The following TENM2 variants were observed in gnomAD, a reference collection of about 807,000 sequenced individuals.
The protein encoded by TENM2 is teneurin-2.
Under a neutral mutation model 245.2 loss-of-function variants are expected in TENM2, and 52 were observed. That is an observed-to-expected ratio of 0.21 (90% confidence interval 0.17 to 0.27). TENM2 has a LOEUF of 0.27. TENM2 is among the 10% of genes least tolerant of loss of function. TENM2 has a pLI of 1.00. For synonymous variants in TENM2, 1,363 were observed against 1,438.9 expected, an observed-to-expected ratio of 0.95 and a Z score of 1.19; for missense variants, 3,046 against 3,666.8, an observed-to-expected ratio of 0.83 and a Z score of 4.37.
chr5:168,225,761 CAAA>C (rs567948197), intron 23 of TENM2, among the ~76,000 whole-genome samples: 5 of 57,122 alleles, frequency 8.8e-5, no homozygotes, highest in Non-Finnish European at 1.2e-4. Flanking sequence ...TCCATCATCT[CAAA>C]AAAAAAAAAA....
chr5:167,198,345 G>A, the TENM2 span, among the ~76,000 whole-genome samples: 1 of 152,074 alleles, frequency 6.6e-6, no homozygotes, highest in Non-Finnish European at 1.5e-5. Context: ...CAATTTCTGT[G>A]CAGTTCACAG....
chr5:167,927,720 C>A (rs2151676856), intron 3 of TENM2, among the ~76,000 whole-genome samples: 1 of 152,220 alleles, frequency 6.6e-6, no homozygotes, highest in African/African-American at 2.4e-5. Flanking sequence ...TTGGACAGAA[C>A]CAGAGTGAGG....
At chr5:167,467,948 A>ATT (rs1766775241) in intron 2 of TENM2, among the ~76,000 whole-genome samples, 1 of 152,042 alleles carries the variant, frequency 6.6e-6, no homozygotes, top group Admixed American at 6.5e-5. Flanking sequence ...ATATATATAT[A>ATT]TTTTTGAGAC....
chr5:167,261,534 C>T, the TENM2 span, among the ~76,000 whole-genome samples: 1 of 152,106 alleles, frequency 6.6e-6, no homozygotes, highest in African/African-American at 2.4e-5. Context: ...TCATTATCAT[C>T]ACCCCTTCCA....
chr5:167,344,485 C>CT (rs1758342961), intron 1 of TENM2, among the ~76,000 whole-genome samples: 1 of 151,442 alleles, frequency 6.6e-6, no homozygotes, highest in African/African-American at 2.4e-5. Flanking sequence ...ACCAAATGTA[C>CT]TAAGGAGAAA....
At chr5:167,725,527 A>T (rs1759938978) in intron 2 of TENM2, among the ~76,000 whole-genome samples, 1 of 152,166 alleles carries the variant, frequency 6.6e-6, no homozygotes. Context: ...AATTCTGTAG[A>T]CTGTACAGGC....
rs1405697690 is a variant in TENM2 at position 168,218,217 on chromosome 5, G to A, written c.4326G>A (p.Glu1442=). 1.2e-6 allele frequency: 2 copies of A among 1,613,686 alleles called. No individual in the cohort carries two copies. Among genetic ancestry groups the A allele is most frequent in the Non-Finnish European group, 1.7e-6 (2 of 1,179,884 alleles). Residue 1442 remains glutamate, a synonymous_variant, in exon 23 of 29, where the codon GAG becomes GAA. Coordinates refer to ENST00000518659, the Ensembl canonical transcript of TENM2. The surrounding 1 kb of genome is among the most constrained non-coding windows in gnomAD (Gnocchi z 5.2). ...ACAATGTCATCCTTCGAATCACCGA[G>A]AACCACCAAGTCAGCATCATTGCGG... is the stretch of plus-strand genomic sequence containing the variant.
the TENM2 span, among the ~76,000 whole-genome samples, chr5:167,245,982 G>T: frequency 1.3e-5 from 2 of 152,134 alleles, no homozygotes; most frequent in Admixed American, 6.5e-5. Context: ...CAGCCTCCAT[G>T]CCATGGCTGG....
At chr5:167,836,168 T>C (rs1420608875) in intron 2 of TENM2, among the ~76,000 whole-genome samples, 1 of 152,228 alleles carries the variant, frequency 6.6e-6, no homozygotes, top group African/African-American at 2.4e-5. Context: ...GATAGTGAAT[T>C]ATGAATGACT....
chr5:167,041,861 C>A, the TENM2 span, among the ~76,000 whole-genome samples: 1 of 152,060 alleles, frequency 6.6e-6, no homozygotes, highest in Non-Finnish European at 1.5e-5. Flanking sequence ...CTTTGTCACC[C>A]AGAAGGTAAT....
chr5:167,638,092 TGTGTGTGTGTG>T (rs1279226731), intron 2 of TENM2, among the ~76,000 whole-genome samples: 3 of 252 alleles, frequency 0.012, no homozygotes, highest in East Asian at 0.5. Flanking sequence ...ACAGGGCAGG[TGTGTGTGTGTG>T]TGTGTGTGTG....
Position 167,431,960 on chromosome 5 carries a change from T to A in TENM2, c.502+56487T>A, listed in dbSNP as rs6898131. On this transcript the variant is annotated intron_variant, in intron 2 of 28. Transcript: ENST00000518659. ...ATATACATATATATGTATATATATA[T>A]GTATATATATATATATATGGAAGTT... is the stretch of plus-strand genomic sequence containing the variant. Among the ~76,000 whole-genome samples the A allele has an allele frequency of 5.8e-5, 3 of 51,662 alleles. 1 individual carries two copies. The highest frequency in any genetic ancestry group is 1.8e-4 in the African/African-American group (3 of 16,590). 33.9% of individuals were successfully genotyped at this position (51,662 alleles called of 152,430 possible).
intron 3 of TENM2, among the ~76,000 whole-genome samples, chr5:167,947,634 C>T (rs1779738847): frequency 6.6e-6 from 1 of 152,208 alleles, no homozygotes; most frequent in South Asian, 2.1e-4. Flanking sequence ...TGCCAGTTAT[C>T]ATCAACCAGA....
At chr5:167,630,693 A>G (rs1394712260) in intron 2 of TENM2, among the ~76,000 whole-genome samples, 2 of 152,210 alleles carry the variant, frequency 1.3e-5, no homozygotes, top group Non-Finnish European at 2.9e-5. Flanking sequence ...TTTATTCTTT[A>G]AAATGCAATA....
At chr5:167,192,874 C>T in the TENM2 span, among the ~76,000 whole-genome samples, 13 of 151,910 alleles carry the variant, frequency 8.6e-5, no homozygotes, top group South Asian at 1.0e-3. Flanking sequence ...TCTGACCTAA[C>T]GGGAGGTTGA....
chr5:167,876,727 T>A (rs1272765187), intron 3 of TENM2, among the ~76,000 whole-genome samples: 3 of 152,138 alleles, frequency 2.0e-5, no homozygotes, highest in Non-Finnish European at 2.9e-5. Flanking sequence ...AAGTCTGAAG[T>A]GTTTGGGGGG....
intron 2 of TENM2, among the ~76,000 whole-genome samples, chr5:167,659,571 G>A (rs1052333396): frequency 2.6e-5 from 4 of 152,048 alleles, no homozygotes; most frequent in Admixed American, 2.0e-4. Context: ...AACACTATTC[G>A]TTTTATTTCA....
At chr5:167,111,183 T>C in the TENM2 span, among the ~76,000 whole-genome samples, 2 of 152,198 alleles carry the variant, frequency 1.3e-5, no homozygotes, top group Admixed American at 6.5e-5. Flanking sequence ...TTTATTTAGG[T>C]ATAGCTATCT....
At chr5:167,445,466 T>C (rs1345626470) in intron 2 of TENM2, among the ~76,000 whole-genome samples, 1 of 151,814 alleles carries the variant, frequency 6.6e-6, no homozygotes. Flanking sequence ...AGGGAAACAT[T>C]ATGTAAGCAA....
Sources: allele counts gnomAD v4.1 joint callset (sites outside exome capture counted in the v4.1 genomes callset), GRCh38; gene constraint gnomAD v4.1.1; non-coding constraint Gnocchi (gnomAD v3.1); transcripts MANE v1.5; gene names NCBI Gene and HGNC (gene_info 2026-07-23, HGNC 2026-07-21).